CTNND2: variants seen among roughly 807,000 people sequenced by gnomAD.
The protein encoded by CTNND2 is catenin delta-2.
Under a neutral mutation model 144.4 loss-of-function variants are expected in CTNND2, and 22 were observed. That is an observed-to-expected ratio of 0.15 (90% confidence interval 0.11 to 0.22). The LOEUF (loss-of-function observed/expected upper bound fraction) is 0.22. Among genes scored for constraint, CTNND2 ranks in the 10% least tolerant of loss-of-function variants. CTNND2 has a pLI of 1.00. For missense variants in CTNND2, 1,353 were observed against 1,618.8 expected, an observed-to-expected ratio of 0.84 and a Z score of 2.82; for synonymous variants, 751 against 695.6, an observed-to-expected ratio of 1.08 and a Z score of -1.25.
chr5:11,118,801 T>A (rs775988199), intron 12 of CTNND2, among the ~76,000 whole-genome samples: 2 of 152,188 alleles, frequency 1.3e-5, no homozygotes, highest in African/African-American at 4.8e-5. Context: ...TTTGCTGTTG[T>A]AATAAATTCT....
At position 11,454,569 on chromosome 5, in the gene CTNND2, A is replaced by G. The variant is rs1485986058; in HGVS notation, c.288-42500T>C. The stretch of plus-strand genomic sequence containing the variant: ...CTATGCACTCACAAGACATAATGTA[A>G]TAGGATATTCATAACAGAAAGTTTT... On this transcript the variant is annotated intron_variant, in intron 3 of 21. Transcript: ENST00000304623. Among the ~76,000 whole-genome samples the G allele has an allele frequency of 4.6e-5, 7 of 151,940 alleles. No homozygotes were observed. In the South Asian group the frequency reaches 1.0e-3, roughly 22 times the overall value.
chr5:11,345,828 A>T (rs1241720761), intron 9 of CTNND2, among the ~76,000 whole-genome samples: 1 of 152,080 alleles, frequency 6.6e-6, no homozygotes, highest in African/African-American at 2.4e-5. Context: ...CCTCCATAAC[A>T]ACAATTTCTC....
intron 1 of CTNND2, among the ~76,000 whole-genome samples, chr5:11,847,482 G>C (rs971904563): frequency 6.6e-6 from 1 of 151,902 alleles, no homozygotes; most frequent in African/African-American, 2.4e-5. Flanking sequence ...GGCTGGGAAG[G>C]AGGAGGAGGA....
chr5:11,338,538 G>C (rs991729103), intron 9 of CTNND2, among the ~76,000 whole-genome samples: 1 of 152,192 alleles, frequency 6.6e-6, no homozygotes, highest in Non-Finnish European at 1.5e-5. Context: ...AAAGGATGGG[G>C]TATTTGCTAA....
intron 2 of CTNND2, among the ~76,000 whole-genome samples, chr5:11,571,197 T>G (rs1777520062): frequency 6.6e-6 from 1 of 152,182 alleles, no homozygotes; most frequent in Non-Finnish European, 1.5e-5. Context: ...TTTTTCTGTT[T>G]GTTTTAAATA....
chr5:11,250,098 A>G (rs1446471954), intron 9 of CTNND2, among the ~76,000 whole-genome samples: 3 of 152,152 alleles, frequency 2.0e-5, no homozygotes, highest in Admixed American at 2.0e-4. Flanking sequence ...CTCCATTTCC[A>G]GAGTCTGCAT....
intron 16 of CTNND2, among the ~76,000 whole-genome samples, chr5:11,074,608 T>G (rs1003379485): frequency 6.6e-6 from 1 of 152,214 alleles, no homozygotes; most frequent in Admixed American, 6.5e-5. Flanking sequence ...GATTCCATTA[T>G]AAAGCTTTAT....
chr5:11,406,355 T>C (rs564378142), intron 5 of CTNND2, among the ~76,000 whole-genome samples: 17 of 152,232 alleles, frequency 1.1e-4, no homozygotes, highest in Middle Eastern at 6.8e-3. Context: ...TCCACTATAA[T>C]AGAAAGCAAA....
chr5:11,373,157 C>T (rs555865462), intron 7 of CTNND2, among the ~76,000 whole-genome samples: 1 of 152,340 alleles, frequency 6.6e-6, no homozygotes, highest in South Asian at 2.1e-4. Flanking sequence ...GTCCGGGCCC[C>T]ACACCAGGGG....
chr5:11,229,684 C>T (rs1343329957), intron 10 of CTNND2, among the ~76,000 whole-genome samples: 6 of 141,192 alleles, frequency 4.2e-5, no homozygotes, highest in Non-Finnish European at 6.2e-5. Context: ...ATATATATAA[C>T]TGTGTATATA....
chr5:11,215,270 A>G (rs192479387), intron 10 of CTNND2, among the ~76,000 whole-genome samples: 1 of 152,362 alleles, frequency 6.6e-6, no homozygotes, highest in East Asian at 1.9e-4. Context: ...AATCATGAAT[A>G]TCATGACACT....
chr5:11,415,209 G>A lies in CTNND2; in HGVS notation c.288-3140C>T, dbSNP rs139202492. 1.1e-4 allele frequency among the ~76,000 whole-genome samples: 17 copies of A among 152,254 alleles called. No homozygotes were observed. The East Asian group carries it at 3.3e-3, about 29-fold the overall frequency. Reference sequence around the variant, plus strand: ...ACAAATTTATATTCCCACCAACAGTGTGTAAGTGTTCACTTTTCTCCTCAA... The same window carrying A: ...ACAAATTTATATTCCCACCAACAGTATGTAAGTGTTCACTTTTCTCCTCAA... On this transcript the variant is annotated intron_variant, in intron 3 of 21. Transcript: ENST00000304623.
intron 9 of CTNND2, among the ~76,000 whole-genome samples, chr5:11,283,149 A>G (rs951335170): frequency 6.6e-6 from 1 of 152,184 alleles, no homozygotes; most frequent in Non-Finnish European, 1.5e-5. Context: ...AATTCTGAGT[A>G]GTTTTTAACC....
chr5:11,489,865 C>A lies in CTNND2; in HGVS notation c.287+75079G>T, dbSNP rs189994856. ...GAAACAACAACTTAGTGAATGCGTACGAGATCGTCTCTGTGAATTTCGTTC... is the reference window on the plus strand; with the variant it reads ...GAAACAACAACTTAGTGAATGCGTAAGAGATCGTCTCTGTGAATTTCGTTC... On this transcript the variant is annotated intron_variant, in intron 3 of 21. Coordinates refer to ENST00000304623, the MANE Select transcript of CTNND2 (RefSeq NM_001332.4). Among the ~76,000 whole-genome samples, 128 of 152,274 alleles carry A rather than the reference C, an allele frequency of 8.4e-4. No individual in the cohort carries two copies. In the East Asian group the frequency reaches 0.016, roughly 19 times the overall value.
At chr5:11,808,761 T>C (rs987633071) in intron 1 of CTNND2, among the ~76,000 whole-genome samples, 3 of 152,188 alleles carry the variant, frequency 2.0e-5, no homozygotes, top group African/African-American at 7.2e-5. Context: ...CAGTAATGTT[T>C]CTCTAAGCCT....
In CTNND2 at chr5:11,397,112, G is replaced by C; in HGVS notation, c.531C>G (p.Thr177=). The change falls in exon 6 of 22, where the codon ACC becomes ACG. Residue 177 remains threonine (T), a synonymous_variant. Transcript: ENST00000304623. ...AAGGGGTGGTTTCCCCCAGGGCCAGGGTCTGGTTGCTATGGTAGCTGGCCG... is the reference window on the plus strand; with the variant it reads ...AAGGGGTGGTTTCCCCCAGGGCCAGCGTCTGGTTGCTATGGTAGCTGGCCG... The part of the protein sequence containing the change: ...QYPASYHSNQ[T]LALGETTPSQ... 6.2e-7 allele frequency: 1 copy of C among 1,614,154 alleles called. No individual in the cohort carries two copies. Among genetic ancestry groups the C allele is most frequent in the Admixed American group, 1.7e-5 (1 of 60,018 alleles).
chr5:11,545,180 G>A (rs977003289), intron 3 of CTNND2, among the ~76,000 whole-genome samples: 5 of 150,172 alleles, frequency 3.3e-5, no homozygotes, highest in African/African-American at 1.2e-4. Context: ...AAATTAGCCA[G>A]GCATGGTGGC....
chr5:11,749,222 G>A lies in CTNND2; in HGVS notation c.38-16950C>T, dbSNP rs544725818. Reference sequence around the variant, plus strand: ...GGAAACTTTGACTCAGAAATACCCAGCTAAGTGGCTCCTAGATTCTTGACT... The same window carrying A: ...GGAAACTTTGACTCAGAAATACCCAACTAAGTGGCTCCTAGATTCTTGACT... On this transcript the variant is annotated intron_variant, in intron 1 of 21. Coordinates refer to ENST00000304623, the MANE Select transcript of CTNND2 (RefSeq NM_001332.4). Among the ~76,000 whole-genome samples the A allele has an allele frequency of 1.2e-4, 18 of 152,084 alleles. 1 individual carries two copies. In the South Asian group the frequency reaches 3.3e-3, roughly 28 times the overall value.
At chr5:11,692,790 C>T (rs1040004803) in intron 2 of CTNND2, among the ~76,000 whole-genome samples, 2 of 152,214 alleles carry the variant, frequency 1.3e-5, no homozygotes, top group East Asian at 3.9e-4. Context: ...TTAGTAGAGA[C>T]GGGGTTTCGC....
Sources: allele counts gnomAD v4.1 joint callset (sites outside exome capture counted in the v4.1 genomes callset), GRCh38; gene constraint gnomAD v4.1.1; transcripts MANE v1.5; gene names NCBI Gene and HGNC (gene_info 2026-07-23, HGNC 2026-07-21).